Variants in KCND2 observed in about 807,000 individuals in gnomAD.
KCND2 encodes A-type voltage-gated potassium channel KCND2.
Under a neutral mutation model 54.4 loss-of-function variants are expected in KCND2, and 16 were observed. The observed-to-expected ratio is 0.29, with a 90% confidence interval of 0.20 to 0.45. KCND2 has a LOEUF of 0.45. Among genes scored for constraint, KCND2 ranks in the 20% least tolerant of loss-of-function variants. The pLI is 1.00. For missense variants in KCND2, 486 were observed against 824.2 expected, an observed-to-expected ratio of 0.59 and a Z score of 5.02; for synonymous variants, 317 against 310.7, an observed-to-expected ratio of 1.02 and a Z score of -0.21.
chr7:120,609,220 A>G, intron 1 of KCND2, among the ~76,000 whole-genome samples: 1 of 152,088 alleles, frequency 6.6e-6, no homozygotes, highest in East Asian at 1.9e-4. Context: ...GAGGCAAACT[A>G]AGGTCATATA....
At chr7:120,526,352 A>G (rs1436356906) in intron 1 of KCND2, among the ~76,000 whole-genome samples, 2 of 152,164 alleles carry the variant, frequency 1.3e-5, no homozygotes, top group Non-Finnish European at 2.9e-5. Flanking sequence ...AAATAATTCC[A>G]TTAAACTCTC....
intron 1 of KCND2, among the ~76,000 whole-genome samples, chr7:120,447,270 A>G (rs1802030270): frequency 6.6e-6 from 1 of 152,030 alleles, no homozygotes; most frequent in South Asian, 2.1e-4. Flanking sequence ...TAGTCTCTCT[A>G]AAGGCAAGAA....
intron 1 of KCND2, among the ~76,000 whole-genome samples, chr7:120,690,507 G>T (rs1792255458): frequency 6.6e-6 from 1 of 152,154 alleles, no homozygotes; most frequent in South Asian, 2.1e-4. Context: ...TGGCACCAGA[G>T]CTATAACACC....
Position 120,638,186 on chromosome 7 carries a change from G to A in KCND2, c.1116-94717G>A, listed in dbSNP as rs117682184. Reference sequence around the variant, plus strand: ...AAAAGGATCTTTACTACATGCTCACGAGATGTTTTTATATTTCCCATTTTA... The same window carrying A: ...AAAAGGATCTTTACTACATGCTCACAAGATGTTTTTATATTTCCCATTTTA... On this transcript the variant is annotated intron_variant, in intron 1 of 5. Transcript: ENST00000331113. Among the ~76,000 whole-genome samples the A allele has an allele frequency of 5.6e-3, 856 of 152,176 alleles. 7 individuals carry two copies. Among genetic ancestry groups the A allele is most frequent in the Non-Finnish European group, 9.8e-3 (665 of 67,940 alleles).
At chr7:120,348,051 T>C (rs979316263) in intron 1 of KCND2, among the ~76,000 whole-genome samples, 10 of 152,046 alleles carry the variant, frequency 6.6e-5, no homozygotes, top group African/African-American at 2.4e-4. Flanking sequence ...ACTAATTTCC[T>C]CCCAGAGACT....
chr7:120,630,449 T>C (rs553018729), intron 1 of KCND2, among the ~76,000 whole-genome samples: 1 of 152,300 alleles, frequency 6.6e-6, no homozygotes, highest in Non-Finnish European at 1.5e-5. Context: ...TTATGAAATA[T>C]CCAGCTATGT....
At chr7:120,296,214 G>A (rs1435878565) in intron 1 of KCND2, among the ~76,000 whole-genome samples, 2 of 152,034 alleles carry the variant, frequency 1.3e-5, no homozygotes, top group East Asian at 1.9e-4. Context: ...AAAATTTTAA[G>A]TGTTGTATTT....
At chr7:120,466,944 G>A (rs1307485601) in intron 1 of KCND2, among the ~76,000 whole-genome samples, 2 of 152,010 alleles carry the variant, frequency 1.3e-5, no homozygotes, top group Admixed American at 6.6e-5. Context: ...CAACCTCTGT[G>A]TCCACCATTC....
At chr7:120,568,163 A>C (rs2116421758) in intron 1 of KCND2, among the ~76,000 whole-genome samples, 1 of 152,232 alleles carries the variant, frequency 6.6e-6, no homozygotes, top group Admixed American at 6.5e-5. Flanking sequence ...ACAGCAAATA[A>C]ACTCTCTTCT....
chr7:120,554,985 T>C (rs570514603), intron 1 of KCND2, among the ~76,000 whole-genome samples: 43 of 152,302 alleles, frequency 2.8e-4, no homozygotes, highest in African/African-American at 9.6e-4. Context: ...GAAGTCCTGA[T>C]TGGTCCCACA....
At chr7:120,654,120 G>A (rs751560839) in intron 1 of KCND2, among the ~76,000 whole-genome samples, 19 of 152,106 alleles carry the variant, frequency 1.2e-4, no homozygotes, top group Non-Finnish European at 2.1e-4. Context: ...TACTGGGAAA[G>A]CAGGGGTGGC....
intron 1 of KCND2, among the ~76,000 whole-genome samples, chr7:120,577,429 C>T (rs1452317062): frequency 6.6e-6 from 1 of 152,062 alleles, no homozygotes; most frequent in Non-Finnish European, 1.5e-5. Context: ...ATCATTTCTA[C>T]AATTCTATAA....
chr7:120,348,658 A>G (rs1800359275), intron 1 of KCND2, among the ~76,000 whole-genome samples: 1 of 152,188 alleles, frequency 6.6e-6, no homozygotes, highest in Admixed American at 6.5e-5. Context: ...CTTTGTGAGC[A>G]AACACATTCT....
At chr7:120,303,432 A>G (rs2116299351) in intron 1 of KCND2, among the ~76,000 whole-genome samples, 1 of 152,318 alleles carries the variant, frequency 6.6e-6, no homozygotes, top group South Asian at 2.1e-4. Context: ...TTAAAGATAA[A>G]ATCATTAAAT....
intron 1 of KCND2, among the ~76,000 whole-genome samples, chr7:120,726,029 G>GT (rs1042929590): frequency 3.9e-5 from 6 of 152,100 alleles, no homozygotes; most frequent in African/African-American, 9.7e-5. Context: ...AGTGGAAACA[G>GT]TTTTTTTAAA....
intron 1 of KCND2, among the ~76,000 whole-genome samples, chr7:120,494,238 T>C (rs1802820950): frequency 6.6e-6 from 1 of 152,176 alleles, no homozygotes; most frequent in Non-Finnish European, 1.5e-5. Flanking sequence ...CGGTAATGTC[T>C]AGGTGTTAAG....
At chr7:120,406,215 C>T (rs1464598464) in intron 1 of KCND2, among the ~76,000 whole-genome samples, 1 of 151,800 alleles carries the variant, frequency 6.6e-6, no homozygotes, top group African/African-American at 2.4e-5. Context: ...AAAATTTTCC[C>T]CATCAAAAGG....
chr7:120,399,624 T>A (rs1342151608), intron 1 of KCND2, among the ~76,000 whole-genome samples: 1 of 151,358 alleles, frequency 6.6e-6, no homozygotes, highest in African/African-American at 2.4e-5. Flanking sequence ...GATTTGTTTT[T>A]TATAATGTTA....
intron 1 of KCND2, among the ~76,000 whole-genome samples, chr7:120,607,620 T>C (rs561398158): frequency 8.5e-5 from 13 of 152,212 alleles, no homozygotes; most frequent in African/African-American, 3.1e-4. Context: ...TAAATACAGA[T>C]TATTCCCAAT....
Sources: allele counts gnomAD v4.1 joint callset (sites outside exome capture counted in the v4.1 genomes callset), GRCh38; gene constraint gnomAD v4.1.1; transcripts MANE v1.5; gene names NCBI Gene and HGNC (gene_info 2026-07-23, HGNC 2026-07-21).